BRD8: variants seen among roughly 807,000 people sequenced by gnomAD.
BRD8 encodes bromodomain-containing protein 8.
In BRD8, 67 loss-of-function variants were observed where a neutral mutation model predicts 143.1. That is an observed-to-expected ratio of 0.47 (90% confidence interval 0.38 to 0.57). The LOEUF (loss-of-function observed/expected upper bound fraction) is 0.57. Among genes scored for constraint, BRD8 ranks in the 20% least tolerant of loss-of-function variants. The pLI, the probability that BRD8 is intolerant of heterozygous loss-of-function variation, is 0.00. For synonymous variants in BRD8, 505 were observed against 517.1 expected (o/e 0.98, Z 0.32); for missense variants, 1,103 against 1,503.0 (o/e 0.73, Z 4.40).
intron 22 of BRD8, 71 bp downstream of exon 22, chr5:138,150,674 G>T: frequency 1.3e-6 from 2 of 1,488,352 alleles, no homozygotes; most frequent in Non-Finnish European, 9.0e-7. Context: ...TAGCCTATGT[G>T]CTCTAACTAC....
In BRD8 at chr5:138,167,992, T is replaced by C. The variant is rs983763809; in HGVS notation, c.729A>G (p.Ile243Met). ...LLEVGGVLPM[I>M]HGGEIQQTPN... ...GTGTTTGCTGTATCTCCCCACCATG[T>C]ATCATGGGAAGGACCCCGCCTACCT... The change falls in exon 9 of 27, where the codon ATA becomes ATG. Residue 243 changes from isoleucine to methionine, a missense_variant. Coordinates refer to ENST00000254900, the MANE Select transcript of BRD8 (RefSeq NM_139199.2). 1.9e-6 allele frequency: 3 copies of C among 1,613,004 alleles called. No homozygotes were observed. Among genetic ancestry groups the C allele is most frequent in the Non-Finnish European group, 2.5e-6 (3 of 1,179,064 alleles).
rs1219826468 is a variant in BRD8, at chr5:138,156,975, C to T, written c.2577+2580G>A. 3 of 1,328,532 alleles carry T rather than the reference C, an allele frequency of 2.3e-6. No individual in the cohort carries two copies. In the East Asian group the frequency reaches 8.9e-5, roughly 39 times the overall value. The allele number at this position is 1,328,532 out of a possible 1,614,324, so 82.3% of individuals were successfully genotyped here. A position where few individuals can be genotyped will look rare whatever the true frequency, so the allele number is the denominator to read the frequency against. Reference sequence around the variant, plus strand: ...TGTACAATTGACAAGACAATACAAACTAGCTACGATCTGCTAGCTACACAT... The same window carrying T: ...TGTACAATTGACAAGACAATACAAATTAGCTACGATCTGCTAGCTACACAT... On this transcript the variant is annotated intron_variant, in intron 20 of 26. Transcript: ENST00000254900.
Position 138,177,621 on chromosome 5 carries a change from T to G in BRD8, c.66A>C (p.Arg22=). 1.2e-6 allele frequency: 2 copies of G among 1,610,374 alleles called. No homozygotes were observed. Among genetic ancestry groups the G allele is most frequent in the Non-Finnish European group, 1.7e-6 (2 of 1,179,184 alleles). The change falls in exon 2 of 27, where the codon CGA becomes CGC. Residue 22 remains arginine, a synonymous_variant. Coordinates refer to ENST00000254900, the MANE Select transcript of BRD8 (RefSeq NM_139199.2). ...STGPTEPWSI[R]EKLCLASSVM... Reference sequence around the variant, plus strand: ...CAGAAGATGCTAAACATAGCTTCTCTCGGATGGACCATGGCTCTGTGGGGC... The same window carrying G: ...CAGAAGATGCTAAACATAGCTTCTCGCGGATGGACCATGGCTCTGTGGGGC...
Position 138,177,655 on chromosome 5 carries a change from A to G in BRD8, c.32T>C (p.Leu11Pro). Residue 11 changes from leucine (L) to proline (P), a missense_variant, in exon 2 of 27, where the codon CTA becomes CCA. Leu to Pro is a moderately conservative substitution (Grantham distance 98). This residue lies in a region of BRD8 where 69 missense variants were observed against 121.6 expected (regional missense o/e 0.57). Coordinates refer to ENST00000254900, the MANE Select transcript of BRD8 (RefSeq NM_139199.2). MATGTGKHKL[L>P]STGPTEPWSI... ...CCATGGCTCTGTGGGGCCAGTGCTT[A>G]GCAGCTTGTGTTCTGGGAAAGGGAG... 2 of 1,587,900 alleles carry G rather than the reference A, an allele frequency of 1.3e-6. No homozygotes were observed. Among genetic ancestry groups the G allele is most frequent in the South Asian group, 1.1e-5 (1 of 89,850 alleles).
intron 6 of BRD8, 126 bp from the exon 7 acceptor site, chr5:138,170,535 T>C: frequency 9.8e-7 from 1 of 1,021,842 alleles, no homozygotes; most frequent in Non-Finnish European, 1.5e-6. Flanking sequence ...AAACAGGAAT[T>C]CTAACCAGCA....
At chr5:138,176,788 T>C (rs1039266832) in intron 2 of BRD8, among the ~76,000 whole-genome samples, 3 of 151,912 alleles carry the variant, frequency 2.0e-5, no homozygotes, top group African/African-American at 7.3e-5. Flanking sequence ...GAATTATATC[T>C]CAATAAAGCT....
chr5:138,155,341 C>T (rs1752540616), intron 20 of BRD8, among the ~76,000 whole-genome samples: 2 of 150,706 alleles, frequency 1.3e-5, no homozygotes, highest in Admixed American at 1.3e-4. Flanking sequence ...CCCAGCTACT[C>T]GGGAGGCTAA....
At position 138,145,249 on chromosome 5, in the gene BRD8, T is replaced by C. The variant is rs1752101403; in HGVS notation, c.3369-4A>G. On this transcript the variant is annotated splice_region_variant and splice_polypyrimidine_tract_variant and intron_variant, in intron 24 of 26. Coordinates refer to ENST00000254900, the MANE Select transcript of BRD8 (RefSeq NM_139199.2). Reference sequence around the variant, plus strand: ...CTTCAGAAATGGACTGCTGAACCTGTTAAGGGACAAACCCAGAGAGGATAA... The same window carrying C: ...CTTCAGAAATGGACTGCTGAACCTGCTAAGGGACAAACCCAGAGAGGATAA... 1 of 1,613,696 alleles carries C rather than the reference T, an allele frequency of 6.2e-7. No homozygotes were observed. Among genetic ancestry groups the C allele is most frequent in the East Asian group, 2.2e-5 (1 of 44,854 alleles).
intron 23 of BRD8, among the ~76,000 whole-genome samples, chr5:138,148,274 C>T (rs922055646): frequency 2.0e-5 from 3 of 151,756 alleles, no homozygotes; most frequent in African/African-American, 7.3e-5. Context: ...GGGCTGCAGG[C>T]TAGGGATTAG....
intron 2 of BRD8, chr5:138,172,682 A>C (rs1228309379): frequency 2.7e-6 from 1 of 376,100 alleles, no homozygotes; most frequent in Non-Finnish European, 5.1e-6. Context: ...AAAAAAAAAA[A>C]AAAAAAAAAA....
In BRD8 at chr5:138,140,828, G is replaced by A. The variant is rs1210228672; in HGVS notation, c.3492C>T (p.Thr1164=). Residue 1164 remains threonine (T), a synonymous_variant, in exon 26 of 27, where the codon ACC becomes ACT. Coordinates refer to ENST00000254900, the MANE Select transcript of BRD8 (RefSeq NM_139199.2). ...TCAGGTCTCGCAGGAATTGGGCCAT[G>A]GTGCGAATCCGACCCTTAGAGAGAT... ...KRNLSKGRIR[T]MAQFLRDLML... 6.2e-7 allele frequency: 1 copy of A among 1,614,162 alleles called. No individual in the cohort carries two copies.
intron 8 of BRD8, chr5:138,168,524 A>C (rs1753619190): frequency 6.2e-7 from 1 of 1,607,816 alleles, no homozygotes; most frequent in Non-Finnish European, 8.5e-7. Flanking sequence ...CTGACAGCAG[A>C]GGGGAGGGGG....
intron 6 of BRD8, 130 bp downstream of exon 6, chr5:138,170,702 T>C: frequency 1.1e-6 from 1 of 880,956 alleles, no homozygotes; most frequent in Non-Finnish European, 1.8e-6. Flanking sequence ...CAAACCACTT[T>C]GCAGCTTTCC....
chr5:138,168,678 CCGGGGGTTA>C, intron 8 of BRD8: 1 of 1,569,208 alleles, frequency 6.4e-7, no homozygotes. Context: ...CGGCAAAGTC[CCGGGGGTTA>C]CCTAAGAGAC....
intron 14 of BRD8, chr5:138,163,793 A>C: frequency 1.5e-6 from 1 of 657,336 alleles, no homozygotes; most frequent in East Asian, 3.6e-5. Flanking sequence ...TCTAATTAAT[A>C]AACTTGATTC....
Position 138,172,086 on chromosome 5 carries a change from A to T in BRD8, c.165T>A (p.Pro55=), listed in dbSNP as rs1381578708. 1.2e-6 allele frequency: 2 copies of T among 1,613,630 alleles called. No individual in the cohort carries two copies. Among genetic ancestry groups the T allele is most frequent in the African/African-American group, 1.3e-5 (1 of 74,868 alleles). The change falls in exon 3 of 27, where the codon CCT becomes CCA. Residue 55 remains proline, a synonymous_variant. Coordinates refer to ENST00000254900, the MANE Select transcript of BRD8 (RefSeq NM_139199.2). ...AIKPFAEPGR[P]PDWFSQKHCA... Reference sequence around the variant, plus strand: ...TTACTTTTTGAGAGAACCAGTCTGGAGGGCGGCCAGGTTCTGCAAAGGGCT... The same window carrying T: ...TTACTTTTTGAGAGAACCAGTCTGGTGGGCGGCCAGGTTCTGCAAAGGGCT...
At chr5:138,168,100 G>C (rs762415379) in intron 8 of BRD8, 22 bp from the exon 9 acceptor site, 65 of 1,593,882 alleles carry the variant, frequency 4.1e-5, no homozygotes, top group Non-Finnish European at 5.4e-5. Context: ...GAATAGAGGT[G>C]AAGGCTACAC....
chr5:138,151,138 A>G, intron 21 of BRD8, 130 bp from the exon 22 acceptor site: 2 of 1,217,938 alleles, frequency 1.6e-6, no homozygotes, highest in African/African-American at 3.0e-5. Context: ...TAATTAATAC[A>G]ATCATCTAAA....
chr5:138,163,752 A>C, intron 14 of BRD8: 1 of 788,360 alleles, frequency 1.3e-6, no homozygotes, highest in South Asian at 1.6e-5. Flanking sequence ...TAATTCTAAA[A>C]AGAAAACTCT....
Sources: allele counts gnomAD v4.1 joint callset (sites outside exome capture counted in the v4.1 genomes callset), GRCh38; gene constraint gnomAD v4.1.1; regional missense constraint gnomAD v4.1.1; transcripts MANE v1.5; gene names NCBI Gene and HGNC (gene_info 2026-07-23, HGNC 2026-07-21).